Variants in ADAMTS20 observed in about 807,000 individuals in gnomAD.
The protein encoded by ADAMTS20 is A disintegrin and metalloproteinase with thrombospondin motifs 20.
In ADAMTS20, 225 loss-of-function variants were observed where a neutral mutation model predicts 260.1. The observed-to-expected ratio is 0.87, with a 90% confidence interval of 0.78 to 0.97. The LOEUF (loss-of-function observed/expected upper bound fraction) is 0.97. ADAMTS20 is among the 50% of genes least tolerant of loss of function. ADAMTS20 has a pLI of 0.00. For missense variants in ADAMTS20, 2,400 were observed against 2,337.7 expected, an observed-to-expected ratio of 1.03 and a Z score of -0.55; for synonymous variants, 802 against 769.5, an observed-to-expected ratio of 1.04 and a Z score of -0.70.
At position 43,432,348 on chromosome 12, in the gene ADAMTS20, T is replaced by G; in HGVS notation, c.3052A>C (p.Asn1018His). The change falls in exon 21 of 39, where the codon AAT becomes CAT. Residue 1018 changes from asparagine to histidine, a missense_variant. Coordinates refer to ENST00000389420, the MANE Select transcript of ADAMTS20 (RefSeq NM_025003.5). ...ELSRVTRENC[N>H]EFSCPSWAAS... is the part of the protein sequence containing the mutation. ...GCCCAACTGGGACAGGAAAATTCAT[T>G]GCAATTCTCTCTCGTCACTCGGGAC... 3 of 1,613,964 alleles carry G rather than the reference T, an allele frequency of 1.9e-6. No homozygotes were observed. The highest frequency in any genetic ancestry group is 2.5e-6 in the Non-Finnish European group (3 of 1,179,876).
intron 29 of ADAMTS20, among the ~76,000 whole-genome samples, chr12:43,397,960 T>C (rs1940737616): frequency 6.6e-6 from 1 of 152,172 alleles, no homozygotes; most frequent in African/African-American, 2.4e-5. Flanking sequence ...TGCATTGACA[T>C]GCTGAGCGCA....
intron 29 of ADAMTS20, among the ~76,000 whole-genome samples, chr12:43,384,810 T>C (rs1026792652): frequency 2.0e-5 from 3 of 152,228 alleles, no homozygotes; most frequent in Non-Finnish European, 4.4e-5. Flanking sequence ...AGCTGCATAG[T>C]ATTCCATGTT....
chr12:43,389,387 G>A (rs1180436965), intron 29 of ADAMTS20, among the ~76,000 whole-genome samples: 1 of 152,158 alleles, frequency 6.6e-6, no homozygotes, highest in Non-Finnish European at 1.5e-5. Context: ...AAGGGTAATA[G>A]GACTTGAGTA....
intron 18 of ADAMTS20, among the ~76,000 whole-genome samples, chr12:43,438,661 C>T (rs1941601984): frequency 6.6e-6 from 1 of 152,202 alleles, no homozygotes; most frequent in African/African-American, 2.4e-5. Context: ...ATTCTCACCA[C>T]CTTTGGTCAC....
intron 11 of ADAMTS20, among the ~76,000 whole-genome samples, chr12:43,462,631 T>C (rs959850630): frequency 3.3e-5 from 5 of 152,220 alleles, no homozygotes; most frequent in Non-Finnish European, 5.9e-5. Context: ...TGTTATAATA[T>C]ACATAGATAA....
At chr12:43,475,707 G>A (rs1240455981) in intron 7 of ADAMTS20, among the ~76,000 whole-genome samples, 5 of 149,726 alleles carry the variant, frequency 3.3e-5, no homozygotes, top group Non-Finnish European at 1.5e-5. Context: ...ACAACTATCT[G>A]ATCTTTGACA....
At chr12:43,499,203 A>G (rs1277222411) in intron 4 of ADAMTS20, among the ~76,000 whole-genome samples, 1 of 152,172 alleles carries the variant, frequency 6.6e-6, no homozygotes, top group East Asian at 1.9e-4. Flanking sequence ...TGCTGCATCT[A>G]TCTCCCTAAG....
chr12:43,447,828 C>G (rs1378095515), intron 14 of ADAMTS20, among the ~76,000 whole-genome samples: 1 of 151,900 alleles, frequency 6.6e-6, no homozygotes, highest in African/African-American at 2.4e-5. Flanking sequence ...AAACTTACTA[C>G]CATTCCTACA....
Position 43,532,067 on chromosome 12 carries a change from A to T in ADAMTS20, c.582T>A (p.Phe194Leu). Residue 194 changes from phenylalanine to leucine, a missense_variant, in exon 3 of 39, where the codon TTT becomes TTA. Phe to Leu is a conservative substitution (Grantham distance 22, BLOSUM62 0). Transcript: ENST00000389420. ...CACTGCAATACTTCAGAGTCTGCAG[A>T]AAAGAGTTATTTAAGTCTTGTCTGT... is the stretch of plus-strand genomic sequence containing the variant. ...LIYRQDLNNSFLQTLKYCSVS... is the reference protein window; with the variant it reads ...LIYRQDLNNSLLQTLKYCSVS... 1.2e-6 allele frequency: 2 copies of T among 1,606,082 alleles called. No homozygotes were observed. The highest frequency in any genetic ancestry group is 1.7e-6 in the Non-Finnish European group (2 of 1,175,868).
rs1226606756 is a variant in ADAMTS20, at chr12:43,407,806, G to A, written c.4285-8573C>T. On this transcript the variant is annotated intron_variant, in intron 28 of 38. Coordinates refer to ENST00000389420, the MANE Select transcript of ADAMTS20 (RefSeq NM_025003.5). ...TATTTTGGTAGAAGCAATAGTAAAT[G>A]TAAGTCTAACTCAAGATGTGAGCAC... Among the ~76,000 whole-genome samples, 4 of 152,144 alleles carry A rather than the reference G, an allele frequency of 2.6e-5. No individual in the cohort carries two copies. In the South Asian group the frequency reaches 8.3e-4, roughly 31 times the overall value.
At chr12:43,409,380 A>T (rs1035016881) in intron 28 of ADAMTS20, among the ~76,000 whole-genome samples, 3 of 151,850 alleles carry the variant, frequency 2.0e-5, no homozygotes, top group Non-Finnish European at 4.4e-5. Flanking sequence ...AGACGGGCGG[A>T]TCACGAGGTC....
intron 28 of ADAMTS20, among the ~76,000 whole-genome samples, chr12:43,406,654 C>A (rs189062751): frequency 6.6e-6 from 1 of 151,806 alleles, no homozygotes; most frequent in Non-Finnish European, 1.5e-5. Context: ...ATATCTAAAC[C>A]CCAATAGTTC....
At chr12:43,508,167 TGAAA>T (rs1459267465) in intron 3 of ADAMTS20, among the ~76,000 whole-genome samples, 1 of 151,942 alleles carries the variant, frequency 6.6e-6, no homozygotes, top group Non-Finnish European at 1.5e-5. Flanking sequence ...AATAAAATGA[TGAAA>T]GAAACAGTTT....
chr12:43,441,982 C>G (rs990135191), intron 16 of ADAMTS20, among the ~76,000 whole-genome samples: 6 of 152,080 alleles, frequency 3.9e-5, no homozygotes, highest in Admixed American at 1.3e-4. Flanking sequence ...ATAGACATTC[C>G]TCTATTTAAG....
intron 29 of ADAMTS20, among the ~76,000 whole-genome samples, chr12:43,387,615 C>T (rs1940507777): frequency 6.6e-6 from 1 of 152,192 alleles, no homozygotes; most frequent in Non-Finnish European, 1.5e-5. Context: ...ATTGCTCTGT[C>T]TCAGGGAGAT....
chr12:43,470,362 A>C (rs1307583610), intron 7 of ADAMTS20, among the ~76,000 whole-genome samples: 1 of 152,198 alleles, frequency 6.6e-6, no homozygotes, highest in Admixed American at 6.5e-5. Flanking sequence ...TTCATGCTTA[A>C]AGGTATATAC....
chr12:43,466,593 A>T (rs1942156181), intron 9 of ADAMTS20, 59 bp downstream of exon 9: 2 of 1,497,682 alleles, frequency 1.3e-6, no homozygotes, highest in East Asian at 4.5e-5. Flanking sequence ...CTTTAAAAAT[A>T]TCAATTTCAA....
intron 35 of ADAMTS20, 31 bp from the exon 36 acceptor site, chr12:43,375,543 G>C: frequency 6.2e-7 from 1 of 1,610,092 alleles, no homozygotes; most frequent in Non-Finnish European, 8.5e-7. Flanking sequence ...TTTAGTATTA[G>C]ATGCAGTTAC....
chr12:43,414,603 C>G (rs1160317766), intron 28 of ADAMTS20, among the ~76,000 whole-genome samples: 1 of 151,994 alleles, frequency 6.6e-6, no homozygotes, highest in Non-Finnish European at 1.5e-5. Flanking sequence ...ATTTAGCCAT[C>G]AGAGAAATGC....
Sources: allele counts gnomAD v4.1 joint callset (sites outside exome capture counted in the v4.1 genomes callset), GRCh38; gene constraint gnomAD v4.1.1; transcripts MANE v1.5; gene names NCBI Gene and HGNC (gene_info 2026-07-23, HGNC 2026-07-21).